The following ARAP3 variants were observed in gnomAD, a reference collection of about 807,000 sequenced individuals.
ARAP3 encodes the protein ArfGAP with RhoGAP domain, ankyrin repeat and PH domain 3, also known as arf-GAP with Rho-GAP domain, ANK repeat and PH domain-containing protein 3.
Under a neutral mutation model 169.2 loss-of-function variants are expected in ARAP3, and 82 were observed. The observed-to-expected ratio is 0.48, with a 90% confidence interval of 0.41 to 0.58. The LOEUF is 0.58. ARAP3 is among the 20% of genes least tolerant of loss of function. The pLI is 0.00. For missense variants in ARAP3, 1,764 were observed against 2,018.0 expected (o/e 0.87, Z 2.41); for synonymous variants, 791 against 800.3 (o/e 0.99, Z 0.20).
chr5:141,662,002 G>T, intron 20 of ARAP3, 41 bp downstream of exon 20: 1 of 1,609,392 alleles, frequency 6.2e-7, no homozygotes, highest in African/African-American at 1.3e-5. Flanking sequence ...GGAAGGCAGA[G>T]ATCCTGGTTG....
chr5:141,674,757 ATGTCTTGACTCTT>A (rs1562424029), intron 4 of ARAP3, among the ~76,000 whole-genome samples: 1 of 152,156 alleles, frequency 6.6e-6, no homozygotes. Flanking sequence ...GCTAATCAAT[ATGTCTTGACTCTT>A]TGTCCAAAAC....
rs971136420 is a variant in ARAP3 at position 141,665,079 on chromosome 5, C to T, written c.2643G>A (p.Leu881=). ...CCAGCCGGCCCTCTCCTTGCAGATA[C>T]AGGGTCCTGAGACCCCAGAGGCCTG... The part of the protein sequence containing the change: ...HLVLVETGRT[L]YLQGEGRLDF... The change falls in exon 19 of 33, where the codon CTG becomes CTA. Residue 881 remains leucine (L), a synonymous_variant. Transcript: ENST00000239440. 6.2e-7 allele frequency: 1 copy of T among 1,611,640 alleles called. No homozygotes were observed. The highest frequency in any genetic ancestry group is 1.3e-5 in the African/African-American group (1 of 74,902).
intron 6 of ARAP3, 22 bp downstream of exon 6, chr5:141,673,379 G>C: frequency 1.2e-6 from 2 of 1,612,972 alleles, no homozygotes; most frequent in Non-Finnish European, 1.7e-6. Context: ...TCTCCATATC[G>C]TCACATCTCC....
Position 141,655,608 on chromosome 5 carries a change from T to G in ARAP3, c.4110+13A>C, listed in dbSNP as rs755797274. The G allele has an allele frequency of 3.7e-6, 6 of 1,613,240 alleles. No homozygotes were observed. The highest frequency in any genetic ancestry group is 5.1e-6 in the Non-Finnish European group (6 of 1,179,806). ...CGACAGGAATCGGGTTGGGGCAGGG[T>G]GGGGTGCCTTACCAGGGTCTGATTG... On this transcript the variant is annotated intron_variant, in intron 31 of 32. Transcript: ENST00000239440.
chr5:141,681,008 CG>C (rs1335565147), intron 1 of ARAP3, among the ~76,000 whole-genome samples: 2 of 152,124 alleles, frequency 1.3e-5, no homozygotes, highest in East Asian at 3.9e-4. Context: ...TTTCCAGAGC[CG>C]ATGTATGCAG....
At chr5:141,656,475 A>T (rs1478632031) in intron 27 of ARAP3, 29 bp downstream of exon 27, 1 of 1,605,532 alleles carries the variant, frequency 6.2e-7, no homozygotes, top group Non-Finnish European at 8.5e-7. Flanking sequence ...GCCACCCAGC[A>T]TCCCACACCT....
intron 23 of ARAP3, 138 bp from the exon 24 acceptor site, chr5:141,658,791 T>A: frequency 1.4e-6 from 1 of 721,744 alleles, no homozygotes; most frequent in Non-Finnish European, 2.2e-6. Flanking sequence ...CTCAGGCTCT[T>A]AAAAGGGAGA....
At chr5:141,680,637 G>A (rs1401394756) in intron 1 of ARAP3, 134 bp from the exon 2 acceptor site, 19 of 1,343,402 alleles carry the variant, frequency 1.4e-5, no homozygotes, top group Non-Finnish European at 1.9e-5. Flanking sequence ...CCTGCGATCT[G>A]GAAGCAGAGC....
chr5:141,667,199 A>C (rs2099910769), intron 16 of ARAP3, among the ~76,000 whole-genome samples: 1 of 151,930 alleles, frequency 6.6e-6, no homozygotes, highest in African/African-American at 2.4e-5. Context: ...CCAGCCAAAA[A>C]GGCATACTCA....
At chr5:141,676,314 C>G (rs1038645753) in intron 4 of ARAP3, among the ~76,000 whole-genome samples, 7 of 152,204 alleles carry the variant, frequency 4.6e-5, no homozygotes, top group Non-Finnish European at 1.0e-4. Context: ...CACCACTGCA[C>G]TCCAGCTTGG....
chr5:141,654,141 C>G lies in ARAP3; in HGVS notation c.4444G>C (p.Glu1482Gln), dbSNP rs1178245418. 1.9e-6 allele frequency: 3 copies of G among 1,613,274 alleles called. No homozygotes were observed. Among genetic ancestry groups the G allele is most frequent in the Admixed American group, 3.3e-5 (2 of 60,004 alleles). ...KSSPQARGSLEEQLLQELSSL... is the reference protein window; with the variant it reads ...KSSPQARGSLQEQLLQELSSL... Reference sequence around the variant, plus strand: ...CTGAGCTCCTGGAGCAGCTGTTCCTCTAGGGACCCCCGTGCCTGGGGACTG... The same window carrying G: ...CTGAGCTCCTGGAGCAGCTGTTCCTGTAGGGACCCCCGTGCCTGGGGACTG... Residue 1482 changes from glutamate (E) to glutamine (Q), a missense_variant, in exon 33 of 33, where the codon GAG becomes CAG. This residue lies in a region of ARAP3 where 1,112 missense variants were observed against 1,285.7 expected (regional missense o/e 0.86). Coordinates refer to ENST00000239440, the MANE Select transcript of ARAP3 (RefSeq NM_022481.6).
rs766044535 is a variant in ARAP3 at position 141,666,632 on chromosome 5, C to T, written c.2364G>A (p.Pro788=). The T allele has an allele frequency of 7.1e-6, 10 of 1,409,604 alleles. No homozygotes were observed. The highest frequency in any genetic ancestry group is 2.9e-5 in the African/African-American group (2 of 68,076). 87.3% of individuals were successfully genotyped at this position (1,409,604 alleles called of 1,614,324 possible). Reference sequence around the variant, plus strand: ...GGCCCAGCAGCTGGTGGCAGCTCAGCGGGGAGAACCACTGTAGAGGCAGGG... The same window carrying T: ...GGCCCAGCAGCTGGTGGCAGCTCAGTGGGGAGAACCACTGTAGAGGCAGGG... ...WTSAVGKWFS[P]LSCHQLLGPG... is the part of the protein sequence containing the mutation. The change falls in exon 17 of 33, where the codon CCG becomes CCA. Residue 788 remains proline, a synonymous_variant. Transcript: ENST00000239440.
Position 141,673,461 on chromosome 5 carries a change from G to A in ARAP3, c.912C>T (p.Val304=). The change falls in exon 6 of 33, where the codon GTC becomes GTT. Residue 304 remains valine (V), a synonymous_variant. Coordinates refer to ENST00000239440, the MANE Select transcript of ARAP3 (RefSeq NM_022481.6). ...TGAACTGCACAAAGCGTCTCTGGAA[G>A]ACATAGTTTCTGAGGAAGGAAGGAG... ...LDKLSPQGNY[V]FQRRFVQFNG... 1.2e-6 allele frequency: 2 copies of A among 1,614,158 alleles called. No homozygotes were observed. Among genetic ancestry groups the A allele is most frequent in the Non-Finnish European group, 1.7e-6 (2 of 1,180,040 alleles).
chr5:141,665,647 T>C (rs2099910527), intron 17 of ARAP3, among the ~76,000 whole-genome samples: 1 of 152,124 alleles, frequency 6.6e-6, no homozygotes, highest in African/African-American at 2.4e-5. Context: ...AATATTATCT[T>C]ACATTGTTCC....
At chr5:141,666,293 C>A in intron 17 of ARAP3, 131 bp downstream of exon 17, 2 of 854,288 alleles carry the variant, frequency 2.3e-6, no homozygotes, top group Non-Finnish European at 3.3e-6. Context: ...TGGGCAGTTT[C>A]CCTTCAGAGC....
rs777082590 is a variant in ARAP3, at chr5:141,679,596, G to A, written c.647C>T (p.Ala216Val). ...YGVQPVGTPG[A>V]PDRRESRGVC... is the part of the protein sequence containing the mutation. ...ACCTCTGCTCTCTCTTCTGTCGGGG[G>A]CTCCTGGAGTCCCCACAGGTTGGAC... is the stretch of plus-strand genomic sequence containing the variant. The change falls in exon 4 of 33, where the codon GCC becomes GTC. Residue 216 changes from alanine (A) to valine (V), a missense_variant. Coordinates refer to ENST00000239440, the MANE Select transcript of ARAP3 (RefSeq NM_022481.6). 1.2e-6 allele frequency: 2 copies of A among 1,614,030 alleles called. No individual in the cohort carries two copies. Among genetic ancestry groups the A allele is most frequent in the East Asian group, 2.2e-5 (1 of 44,876 alleles).
At chr5:141,677,877 C>T (rs554930932) in intron 4 of ARAP3, among the ~76,000 whole-genome samples, 90 of 151,998 alleles carry the variant, frequency 5.9e-4, no homozygotes, top group Non-Finnish European at 1.1e-3. Flanking sequence ...CTCCGCCTCC[C>T]GGGTTCAAGT....
At chr5:141,661,818 A>C in intron 20 of ARAP3, 29 bp from the exon 21 acceptor site, 1 of 1,609,952 alleles carries the variant, frequency 6.2e-7, no homozygotes, top group Non-Finnish European at 8.5e-7. Flanking sequence ...AGGGTTGGGG[A>C]GGACCCGGGA....
At position 141,671,154 on chromosome 5, in the gene ARAP3, G is replaced by T; in HGVS notation, c.1990+111C>A. On this transcript the variant is annotated intron_variant, in intron 13 of 32. Transcript: ENST00000239440. The surrounding 1 kb of genome is among the most constrained non-coding windows in gnomAD (Gnocchi z 4.9). ...GGAGGATCTGAGGGTTTGGGAAACT[G>T]CCCAGGCTGGGCCATTGTGATCAGC... is the stretch of plus-strand genomic sequence containing the variant. 7.1e-7 allele frequency: 1 copy of T among 1,416,364 alleles called. No homozygotes were observed. 87.7% of individuals were successfully genotyped at this position (1,416,364 alleles called of 1,614,324 possible).
Sources: gnomAD v4.1 joint callset for allele counts (sites outside exome capture counted in the v4.1 genomes callset) on GRCh38, gnomAD v4.1.1 for gene constraint, gnomAD v4.1.1 regional missense constraint, Gnocchi (gnomAD v3.1) non-coding constraint, MANE v1.5 for transcripts, NCBI Gene and HGNC (gene_info 2026-07-23, HGNC 2026-07-21) for gene names.